SLC9A1: variants seen among roughly 807,000 people sequenced by gnomAD.
The protein encoded by SLC9A1 is sodium/hydrogen exchanger 1.
Under a neutral mutation model 67.9 loss-of-function variants are expected in SLC9A1, and 22 were observed. The observed-to-expected ratio is 0.32, with a 90% CI of 0.23 to 0.46. The LOEUF is 0.46. Among genes scored for constraint, SLC9A1 ranks in the 20% least tolerant of loss-of-function variants. The pLI, the probability that SLC9A1 is intolerant of heterozygous loss-of-function variation, is 1.00. For missense variants in SLC9A1, 686 were observed against 1,094.8 expected (o/e 0.63, Z 5.27); for synonymous variants, 421 against 471.8 (o/e 0.89, Z 1.40).
At chr1:27,152,093 T>G (rs12144837) in intron 1 of SLC9A1, among the ~76,000 whole-genome samples, 21 of 152,100 alleles carry the variant, frequency 1.4e-4, no homozygotes, top group Non-Finnish European at 2.9e-4. Flanking sequence ...GAAGCCAGGT[T>G]TTCCTGACTT....
chr1:27,145,952 C>T (rs1384355602), intron 1 of SLC9A1, among the ~76,000 whole-genome samples: 1 of 152,172 alleles, frequency 6.6e-6, no homozygotes, highest in Non-Finnish European at 1.5e-5. Flanking sequence ...TTAGATTAGC[C>T]CATAAGATTA....
At chr1:27,143,029 A>C (rs2083461723) in intron 1 of SLC9A1, among the ~76,000 whole-genome samples, 1 of 133,396 alleles carries the variant, frequency 7.5e-6, no homozygotes, top group African/African-American at 2.9e-5. Flanking sequence ...TGGCTTACAC[A>C]CTGACAATCA....
chr1:27,120,805 G>A (rs1384276093), intron 1 of SLC9A1, among the ~76,000 whole-genome samples: 1 of 152,084 alleles, frequency 6.6e-6, no homozygotes, highest in East Asian at 1.9e-4. Flanking sequence ...TCTGATGCAA[G>A]GCTCTGTGCA....
chr1:27,105,669 G>C, intron 5 of SLC9A1: 1 of 709,962 alleles, frequency 1.4e-6, no homozygotes, highest in African/African-American at 1.7e-5. Flanking sequence ...TTTACATTCT[G>C]ATCAGTCACT....
Position 27,102,017 on chromosome 1 carries a change from C to G in SLC9A1, c.1934G>C (p.Arg645Pro), listed in dbSNP as rs780988172. 1 of 1,609,060 alleles carries G rather than the reference C, an allele frequency of 6.2e-7. No homozygotes were observed. Among genetic ancestry groups the G allele is most frequent in the East Asian group, 2.2e-5 (1 of 44,856 alleles). Residue 645 changes from arginine (R) to proline (P), a missense_variant and splice_region_variant, in exon 9 of 12, where the codon CGG becomes CCG. This residue lies in a region of SLC9A1 where 226 missense variants were observed against 282.4 expected (regional missense o/e 0.80). Coordinates refer to ENST00000263980, the MANE Select transcript of SLC9A1 (RefSeq NM_003047.5). ...TCGGGCTGGGGAGCAGGCCCTCACC[C>G]GCTGCCTGGTCTTCTGCAAGTTGTT... ...LRNNLQKTRQ[R>P]LRSYNRHTLV...
chr1:27,134,771 C>T (rs1236961179), intron 1 of SLC9A1, among the ~76,000 whole-genome samples: 1 of 152,246 alleles, frequency 6.6e-6, no homozygotes, highest in Non-Finnish European at 1.5e-5. Flanking sequence ...GCAAATTGCT[C>T]TGTCACCCAG....
Position 27,102,441 on chromosome 1 carries a change from C to G in SLC9A1, c.1764G>C (p.Leu588=), listed in dbSNP as rs143340388. ...TCTTGCCCATGCCCCCGCTCTCCAC[C>G]AGCTCGATGGCCTGCTTCATCTCCA... ...HKMEMKQAIE[L]VESGGMGKIP... is the part of the protein sequence containing the mutation. Residue 588 remains leucine (L), a synonymous_variant, in exon 8 of 12, where the codon CTG becomes CTC. Transcript: ENST00000263980. The G allele has an allele frequency of 1.2e-5, 20 of 1,610,254 alleles. No homozygotes were observed. The highest frequency in any genetic ancestry group is 1.5e-5 in the Non-Finnish European group (18 of 1,177,512).
intron 1 of SLC9A1, among the ~76,000 whole-genome samples, chr1:27,151,738 C>T (rs1367201511): frequency 6.6e-6 from 1 of 152,174 alleles, no homozygotes; most frequent in East Asian, 1.9e-4. Flanking sequence ...CTGAATTCCA[C>T]ACTGCAAAGG....
Position 27,101,674 on chromosome 1 carries a change from GC to G in SLC9A1, c.2037+50del. On this transcript the variant is annotated intron_variant, in intron 10 of 11. Transcript: ENST00000263980. This position sits in a 1 kb window ranked among gnomAD's most constrained non-coding sequence, Gnocchi z 4.9. ...ACATTTCCTTAGAGGCTGTGGCGGA[GC>G]TTGGGCGAGTGGGGTGGGATACAGA... is the stretch of plus-strand genomic sequence containing the variant. 3.8e-6 allele frequency: 5 copies of G among 1,326,944 alleles called. No individual in the cohort carries two copies. Among genetic ancestry groups the G allele is most frequent in the Middle Eastern group, 1.8e-4 (1 of 5,552 alleles). The allele number at this position is 1,326,944 out of a possible 1,614,324, so 82.2% of individuals were successfully genotyped here.
At chr1:27,148,478 A>T (rs1231696282) in intron 1 of SLC9A1, among the ~76,000 whole-genome samples, 1 of 151,936 alleles carries the variant, frequency 6.6e-6, no homozygotes, top group Non-Finnish European at 1.5e-5. Flanking sequence ...TAAATCTCTC[A>T]TCCCCCTTGA....
intron 2 of SLC9A1, among the ~76,000 whole-genome samples, chr1:27,111,958 C>T (rs767747631): frequency 1.3e-5 from 2 of 152,224 alleles, no homozygotes; most frequent in African/African-American, 4.8e-5. Flanking sequence ...CTTGATGCAA[C>T]CATGCCCCAA....
chr1:27,123,911 C>T (rs893237276), intron 1 of SLC9A1, among the ~76,000 whole-genome samples: 51 of 152,224 alleles, frequency 3.4e-4, no homozygotes, highest in African/African-American at 1.1e-3. Flanking sequence ...ACTGCAACCT[C>T]CGCCTCCCGG....
In SLC9A1 at chr1:27,118,283, A is replaced by T. The variant is rs2083284711; in HGVS notation, c.353-3997T>A. ...GCCAGGCTGAGGAGAAAGGTCTGAG[A>T]TCCACTTTTGGCTCCCTGCCTGTGG... On this transcript the variant is annotated intron_variant, in intron 1 of 11. Transcript: ENST00000263980. The surrounding 1 kb of genome is among the most constrained non-coding windows in gnomAD (Gnocchi z 4.3). Among the ~76,000 whole-genome samples, 1 of 152,150 alleles carries T rather than the reference A, an allele frequency of 6.6e-6. No individual in the cohort carries two copies. Among genetic ancestry groups the T allele is most frequent in the Non-Finnish European group, 1.5e-5 (1 of 68,024 alleles).
At chr1:27,147,806 C>T (rs2083499415) in intron 1 of SLC9A1, among the ~76,000 whole-genome samples, 2 of 152,030 alleles carry the variant, frequency 1.3e-5, no homozygotes, top group South Asian at 4.1e-4. Flanking sequence ...ACAAGCCTGA[C>T]CAACACGGCA....
intron 1 of SLC9A1, among the ~76,000 whole-genome samples, chr1:27,150,736 A>C (rs1187846292): frequency 6.6e-6 from 1 of 152,178 alleles, no homozygotes; most frequent in East Asian, 1.9e-4. Context: ...ACTAGAACCC[A>C]GAAGCAACTA....
Position 27,109,425 on chromosome 1 carries a change from C to CTGG in SLC9A1, c.1064+99_1064+101dup. 7.8e-7 allele frequency: 1 copy of CTGG among 1,288,214 alleles called. No homozygotes were observed. Among genetic ancestry groups the CTGG allele is most frequent in the South Asian group, 1.3e-5 (1 of 78,182 alleles). 79.8% of individuals were successfully genotyped at this position (1,288,214 alleles called of 1,614,324 possible). ...CATGTCTCATCCCTGGAGCTCAAGG[C>CTGG]TGGGCCCTGGGAGCTCCGTGAACCT... On this transcript the variant is annotated intron_variant, in intron 3 of 11. Transcript: ENST00000263980. The surrounding 1 kb of genome is among the most constrained non-coding windows in gnomAD (Gnocchi z 5.5).
intron 1 of SLC9A1, among the ~76,000 whole-genome samples, chr1:27,120,422 G>A (rs559701136): frequency 6.6e-6 from 1 of 151,844 alleles, no homozygotes; most frequent in Admixed American, 6.6e-5. Flanking sequence ...CACCGCACCT[G>A]GCCAAATAAT....
chr1:27,113,032 CTG>C (rs2083241602), intron 2 of SLC9A1, among the ~76,000 whole-genome samples: 1 of 152,096 alleles, frequency 6.6e-6, no homozygotes, highest in East Asian at 1.9e-4. Flanking sequence ...CGCCCAAAAA[CTG>C]TGCACAAACC....
At position 27,102,089 on chromosome 1, in the gene SLC9A1, G is replaced by A; in HGVS notation, c.1862C>T (p.Pro621Leu). The change falls in exon 9 of 12, where the codon CCA (proline) becomes CTA (leucine). Residue 621 changes from proline (P) to leucine (L), a missense_variant. Coordinates refer to ENST00000263980, the MANE Select transcript of SLC9A1 (RefSeq NM_003047.5). ...PKSLPSERIL[P>L]ALSKDKEEEI... ...CTCCTCCTTGTCCTTGGACAGTGCTGGCAGGATGCGCTCGGAAGGCAGGGA... is the reference window on the plus strand; with the variant it reads ...CTCCTCCTTGTCCTTGGACAGTGCTAGCAGGATGCGCTCGGAAGGCAGGGA... The A allele has an allele frequency of 1.2e-6, 2 of 1,614,084 alleles. No homozygotes were observed. The highest frequency in any genetic ancestry group is 1.7e-6 in the Non-Finnish European group (2 of 1,179,998).
Sources: gnomAD v4.1 joint callset for allele counts (sites outside exome capture counted in the v4.1 genomes callset) on GRCh38, gnomAD v4.1.1 for gene constraint, gnomAD v4.1.1 regional missense constraint, Gnocchi (gnomAD v3.1) non-coding constraint, MANE v1.5 for transcripts, NCBI Gene and HGNC (gene_info 2026-07-23, HGNC 2026-07-21) for gene names.